The following CPS1 variants were observed in gnomAD, a reference collection of about 807,000 sequenced individuals.
CPS1 encodes the protein carbamoyl-phosphate synthase 1.
In CPS1, 109 loss-of-function variants were observed where a neutral mutation model predicts 174.6. The ratio of observed to expected loss-of-function variants is 0.62; its 90% CI spans 0.53 to 0.73. The LOEUF (loss-of-function observed/expected upper bound fraction) is 0.73. Ranked by LOEUF, CPS1 falls within the 30% of genes least tolerant of loss-of-function variation. CPS1 has a pLI of 0.00. For synonymous variants in CPS1, 637 were observed against 632.0 expected (o/e 1.01, Z -0.12); for missense variants, 1,689 against 1,821.9 (o/e 0.93, Z 1.33).
rs1056738248 is a variant in CPS1 at position 210,667,683 on chromosome 2, C to G, written c.4003-503C>G. Among the ~76,000 whole-genome samples the G allele has an allele frequency of 2.6e-5, 4 of 152,300 alleles. No individual in the cohort carries two copies. In the East Asian group the frequency reaches 7.7e-4, roughly 29 times the overall value. Reference sequence around the variant, plus strand: ...TATTAAATTTCTCAGAAGGCTGTCTCATAAGCTCTATGAAATGGCTCCAAA... The same window carrying G: ...TATTAAATTTCTCAGAAGGCTGTCTGATAAGCTCTATGAAATGGCTCCAAA... On this transcript the variant is annotated intron_variant, in intron 33 of 37. Transcript: ENST00000233072.
chr2:210,481,606 G>A (rs1694571877), intron 1 of CPS1, among the ~76,000 whole-genome samples: 1 of 152,214 alleles, frequency 6.6e-6, no homozygotes, highest in South Asian at 2.1e-4. Context: ...AGATACTCAG[G>A]CCTTTGCAGT....
In CPS1 at chr2:210,556,753, C is replaced by T; in HGVS notation, c.20C>T (p.Ala7Val). Residue 7 changes from alanine (A) to valine (V), a missense_variant, in exon 1 of 38, where the codon GCT (alanine) becomes GTT (valine). Coordinates refer to ENST00000233072, the MANE Select transcript of CPS1 (RefSeq NM_001875.5). MTRILT[A>V]FKVVRTLKTG... ...ATCAAAATGACGAGGATTTTGACAG[C>T]TTTCAAAGTGGTGAGGACACTGAAG... The T allele has an allele frequency of 6.2e-7, 1 of 1,612,834 alleles. No homozygotes were observed. The highest frequency in any genetic ancestry group is 1.1e-5 in the South Asian group (1 of 91,042).
upstream of CPS1, among the ~76,000 whole-genome samples, chr2:210,552,640 T>C (rs1432411297): frequency 6.6e-6 from 1 of 152,016 alleles, no homozygotes; most frequent in African/African-American, 2.4e-5. Context: ...ATTTTTTTTT[T>C]CAATCTGTAG....
At chr2:210,495,016 G>A (rs1378770655) in intron 1 of CPS1, among the ~76,000 whole-genome samples, 1 of 152,124 alleles carries the variant, frequency 6.6e-6, no homozygotes, top group Non-Finnish European at 1.5e-5. Flanking sequence ...TCTGTCTTTG[G>A]TATACACTAA....
chr2:210,649,220 C>A (rs561257521), intron 27 of CPS1, among the ~76,000 whole-genome samples: 1 of 152,046 alleles, frequency 6.6e-6, no homozygotes, highest in Non-Finnish European at 1.5e-5. Context: ...AAATTTCAAA[C>A]GAGGTGGAAA....
At chr2:210,668,831 A>T (rs997306448) in intron 34 of CPS1, among the ~76,000 whole-genome samples, 3 of 152,056 alleles carry the variant, frequency 2.0e-5, no homozygotes, top group African/African-American at 4.8e-5. Flanking sequence ...CTCAAATCCA[A>T]CGTTTCTCAA....
At chr2:210,666,376 G>T (rs529282593) in intron 33 of CPS1, among the ~76,000 whole-genome samples, 3,823 of 150,944 alleles carry the variant, frequency 0.025, 81 homozygotes, top group Admixed American at 0.044. Context: ...ATTGCTTTTG[G>T]TGTTTTGGAC....
intron 1 of CPS1, among the ~76,000 whole-genome samples, chr2:210,542,276 A>G (rs1574506071): frequency 6.6e-6 from 1 of 152,074 alleles, no homozygotes. Context: ...ATGTCACTAT[A>G]AATTCATGGT....
At chr2:210,654,180 G>A in intron 29 of CPS1, 78 bp downstream of exon 29, 2 of 1,294,794 alleles carry the variant, frequency 1.5e-6, no homozygotes, top group Admixed American at 1.7e-5. Flanking sequence ...ATATTGACAG[G>A]TTAGAATTCA....
rs776903581 is a variant in CPS1, at chr2:210,656,639, A to G, written c.3666+7A>G. 2.2e-5 allele frequency: 35 copies of G among 1,602,694 alleles called. No homozygotes were observed. Among genetic ancestry groups the G allele is most frequent in the Non-Finnish European group, 3.0e-5 (35 of 1,170,654 alleles). On this transcript the variant is annotated splice_region_variant and intron_variant, in intron 30 of 37. Coordinates refer to ENST00000233072, the MANE Select transcript of CPS1 (RefSeq NM_001875.5). ...CCAAGGGGCCATTGAAAAGGTCATC[A>G]TTTATAAATAAAAGTGGAAGGGAAA...
At chr2:210,606,440 A>C (rs1698912835) in intron 17 of CPS1, among the ~76,000 whole-genome samples, 1 of 151,884 alleles carries the variant, frequency 6.6e-6, no homozygotes, top group Admixed American at 6.6e-5. Flanking sequence ...TTCAGAAATA[A>C]TTTGAGATGA....
intron 21 of CPS1, among the ~76,000 whole-genome samples, chr2:210,621,376 T>G (rs541108704): frequency 6.6e-6 from 1 of 152,282 alleles, no homozygotes; most frequent in Admixed American, 6.5e-5. Context: ...CAGATCACCC[T>G]GCAAGGAGTT....
intron 5 of CPS1, among the ~76,000 whole-genome samples, chr2:210,582,181 C>T (rs1378116029): frequency 6.6e-6 from 1 of 152,124 alleles, no homozygotes; most frequent in African/African-American, 2.4e-5. Context: ...ATTAATATTA[C>T]TATCATAATG....
intron 1 of CPS1, among the ~76,000 whole-genome samples, chr2:210,557,248 CTG>C (rs1490768051): frequency 1.3e-5 from 2 of 152,022 alleles, no homozygotes; most frequent in African/African-American, 4.8e-5. Flanking sequence ...GTGTTAAGGT[CTG>C]TTCTATAAAT....
Position 210,589,609 on chromosome 2 carries a change from G to A in CPS1, c.712-497G>A, listed in dbSNP as rs1484155155. ...ACTGAAACTTCTCTTGAGTGCAGGA[G>A]AGTGCATTATCCATTTTTTCAGGAT... On this transcript the variant is annotated intron_variant, in intron 7 of 37. Transcript: ENST00000233072. Among the ~76,000 whole-genome samples, 4 of 151,996 alleles carry A rather than the reference G, an allele frequency of 2.6e-5. No homozygotes were observed. In the South Asian group the frequency reaches 6.2e-4, roughly 24 times the overall value.
At chr2:210,644,397 A>G (rs981877332) in intron 25 of CPS1, among the ~76,000 whole-genome samples, 3 of 152,140 alleles carry the variant, frequency 2.0e-5, no homozygotes, top group African/African-American at 7.2e-5. Flanking sequence ...TAGAGAATGC[A>G]TGACTCGAGA....
intron 1 of CPS1, among the ~76,000 whole-genome samples, chr2:210,489,381 G>T (rs943310152): frequency 1.3e-5 from 2 of 152,090 alleles, no homozygotes; most frequent in Non-Finnish European, 2.9e-5. Context: ...TCTTCTGTTG[G>T]GTGTCACATA....
chr2:210,678,341 T>C lies in CPS1; in HGVS notation c.*356T>C. ...CTATTTTCTGAACTCTTTCTATACT[T>C]TAAGATACTCTATTTTTAAAACACT... On this transcript the variant is annotated 3_prime_UTR_variant, in exon 38 of 38. Coordinates refer to ENST00000233072, the MANE Select transcript of CPS1 (RefSeq NM_001875.5). 1 of 318,966 alleles carries C rather than the reference T, an allele frequency of 3.1e-6. No homozygotes were observed. Among genetic ancestry groups the C allele is most frequent in the South Asian group, 3.0e-5 (1 of 33,158 alleles). The allele number at this position is 318,966 out of a possible 1,614,324, so 19.8% of individuals were successfully genotyped here.
chr2:210,559,800 T>A (rs944153860), intron 1 of CPS1, among the ~76,000 whole-genome samples: 1 of 152,184 alleles, frequency 6.6e-6, no homozygotes, highest in African/African-American at 2.4e-5. Flanking sequence ...GTCATCTGTA[T>A]AGTGCAAATG....
Sources: allele counts gnomAD v4.1 joint callset (sites outside exome capture counted in the v4.1 genomes callset), GRCh38; gene constraint gnomAD v4.1.1; transcripts MANE v1.5; gene names NCBI Gene and HGNC (gene_info 2026-07-23, HGNC 2026-07-21).